The following PHACTR3 variants were observed in gnomAD, a reference collection of about 807,000 sequenced individuals.
The protein encoded by PHACTR3 is protein phosphatase 1, regulatory subunit 123.
Under a neutral mutation model 66.8 loss-of-function variants are expected in PHACTR3, and 16 were observed. The observed-to-expected ratio is 0.24, with a 90% confidence interval of 0.16 to 0.36. The LOEUF is 0.36. Ranked by LOEUF, PHACTR3 falls within the 10% of genes least tolerant of loss-of-function variation. PHACTR3 has a pLI of 1.00. For synonymous variants in PHACTR3, 323 were observed against 292.1 expected (o/e 1.11, Z -1.08); for missense variants, 647 against 719.9 (o/e 0.90, Z 1.16).
rs561884940 is a variant in PHACTR3, at chr20:59,637,321, C to T, written c.118+32189C>T. Among the ~76,000 whole-genome samples the T allele has an allele frequency of 7.2e-5, 11 of 152,314 alleles. No individual in the cohort carries two copies. The South Asian group carries it at 2.1e-3, about 29-fold the overall frequency. On this transcript the variant is annotated intron_variant, in intron 1 of 12. Transcript: ENST00000371015. ...CTGGCAGATGCCTTTTCCCTGTTGCCCTGTGGTCTGGCCTTTCTGCTGTAG... is the reference window on the plus strand; with the variant it reads ...CTGGCAGATGCCTTTTCCCTGTTGCTCTGTGGTCTGGCCTTTCTGCTGTAG...
Position 59,747,773 on chromosome 20 carries a change from T to TGGCC in PHACTR3, c.300_303dup (p.Gly104AlafsTer20), listed in dbSNP as rs778050757. 6.2e-7 allele frequency: 1 copy of TGGCC among 1,613,962 alleles called. No individual in the cohort carries two copies. The highest frequency in any genetic ancestry group is 1.7e-5 in the Admixed American group (1 of 60,018). On this transcript the variant is annotated frameshift_variant, in exon 3 of 13. Coordinates refer to ENST00000371015, the MANE Select transcript of PHACTR3 (RefSeq NM_080672.5). LOFTEE classifies it high-confidence loss of function. The stretch of plus-strand genomic sequence containing the variant: ...TGTTGGGCAGCGCTGGAGAAGAAGA[T>TGGCC]GGCCGGCAGGCAAGGCCGAGAGGAG...
At chr20:59,623,421 A>G (rs2034331670) in intron 1 of PHACTR3, among the ~76,000 whole-genome samples, 1 of 152,212 alleles carries the variant, frequency 6.6e-6, no homozygotes, top group African/African-American at 2.4e-5. Flanking sequence ...TGTATTCAAC[A>G]AACATCGACT....
At chr20:59,809,246 G>A (rs1186568426) in intron 8 of PHACTR3, among the ~76,000 whole-genome samples, 1 of 152,108 alleles carries the variant, frequency 6.6e-6, no homozygotes, top group Non-Finnish European at 1.5e-5. Flanking sequence ...TAGAGCACGA[G>A]GTCCTACCCT....
In PHACTR3 at chr20:59,738,571, T is replaced by C. The variant is rs59143361; in HGVS notation, c.119-4536T>C. Among the ~76,000 whole-genome samples, 1,004 of 152,250 alleles carry C rather than the reference T, an allele frequency of 6.6e-3. 15 individuals are homozygous for C. The highest frequency in any genetic ancestry group is 0.023 in the African/African-American group (951 of 41,564). ...CTGATCTGTAGTTTATTCTGTGTGC[T>C]ACTCCGTTTTGCCTTGGCTGCTAGG... On this transcript the variant is annotated intron_variant, in intron 1 of 12. Coordinates refer to ENST00000371015, the MANE Select transcript of PHACTR3 (RefSeq NM_080672.5). This position sits in a 1 kb window ranked among gnomAD's most constrained non-coding sequence, Gnocchi z 4.4.
chr20:59,580,107 A>C (rs1436646105), intron 1 of PHACTR3, among the ~76,000 whole-genome samples: 1 of 152,046 alleles, frequency 6.6e-6, no homozygotes, highest in African/African-American at 2.4e-5. Context: ...TGGGGCTGGC[A>C]CTTAAAGGAG....
rs376160172 is a variant in PHACTR3, at chr20:59,777,432, C to T, written c.1174+2942C>T. Among the ~76,000 whole-genome samples, 4 of 152,252 alleles carry T rather than the reference C, an allele frequency of 2.6e-5. No homozygotes were observed. The East Asian group carries it at 7.8e-4, about 30-fold the overall frequency. On this transcript the variant is annotated intron_variant, in intron 7 of 12. Transcript: ENST00000371015. Reference sequence around the variant, plus strand: ...TAAAGCTAGGCTCTGGGATTTGACCCACAAAGTCCCCTCCATCCCTGAGAT... The same window carrying T: ...TAAAGCTAGGCTCTGGGATTTGACCTACAAAGTCCCCTCCATCCCTGAGAT...
intron 1 of PHACTR3, among the ~76,000 whole-genome samples, chr20:59,615,006 T>C (rs1188400791): frequency 3.3e-5 from 5 of 152,160 alleles, no homozygotes; most frequent in Non-Finnish European, 7.4e-5. Flanking sequence ...AGGACTGTCT[T>C]GTCACCTGTT....
intron 9 of PHACTR3, among the ~76,000 whole-genome samples, chr20:59,839,709 A>G (rs192335410): frequency 9.1e-4 from 138 of 152,308 alleles, no homozygotes; most frequent in Middle Eastern, 3.4e-3. Context: ...CAACTTACCA[A>G]GCAAAGCTAA....
At chr20:59,723,060 C>CTCTTCCTTTCTT (rs1466366874) in intron 1 of PHACTR3, among the ~76,000 whole-genome samples, 2 of 118,664 alleles carry the variant, frequency 1.7e-5, no homozygotes, top group Non-Finnish European at 3.5e-5. Flanking sequence ...TTCTTTCTTT[C>CTCTTCCTTTCTT]TCTTTCTTTC....
chr20:59,806,301 C>G, intron 8 of PHACTR3, 107 bp downstream of exon 8: 2 of 1,406,486 alleles, frequency 1.4e-6, no homozygotes, highest in East Asian at 4.7e-5. Flanking sequence ...GCACAACCCA[C>G]CGTCTGCAGC....
At position 59,847,127 on chromosome 20, in the gene PHACTR3, A is replaced by G. The variant is rs1335697153; in HGVS notation, c.1677A>G (p.Pro559=). 3.9e-6 allele frequency: 6 copies of G among 1,520,030 alleles called. No homozygotes were observed. Among genetic ancestry groups the G allele is most frequent in the Non-Finnish European group, 4.5e-6 (5 of 1,100,492 alleles). 94.2% of individuals were successfully genotyped at this position (1,520,030 alleles called of 1,614,324 possible). The change falls in exon 13 of 13, where the codon CCA becomes CCG. Residue 559 remains proline (P), a synonymous_variant. Coordinates refer to ENST00000371015, the MANE Select transcript of PHACTR3 (RefSeq NM_080672.5). ...SSKHLTRFHR[P] ...TTATAATCTCTAGATTCCACAGGCC[A>G]TAGAGATTTTCTTCTGAGAAGAATT...
chr20:59,683,370 C>G (rs543649984), intron 1 of PHACTR3, among the ~76,000 whole-genome samples: 5 of 152,238 alleles, frequency 3.3e-5, no homozygotes, highest in South Asian at 2.1e-4. Flanking sequence ...GCTGTGCATT[C>G]GGGAGGCCGC....
intron 1 of PHACTR3, among the ~76,000 whole-genome samples, chr20:59,718,153 G>C (rs1346541148): frequency 6.6e-6 from 1 of 152,190 alleles, no homozygotes; most frequent in Non-Finnish European, 1.5e-5. Flanking sequence ...GGCTCCCCCA[G>C]GCCTGAGTCC....
chr20:59,611,938 G>A (rs1159177683), intron 1 of PHACTR3, among the ~76,000 whole-genome samples: 1 of 152,208 alleles, frequency 6.6e-6, no homozygotes, highest in Admixed American at 6.5e-5. Context: ...TATCTTCAGG[G>A]AAGGTGCTTT....
upstream of PHACTR3, among the ~76,000 whole-genome samples, chr20:59,602,536 G>GT (rs1328980267): frequency 6.6e-6 from 1 of 152,042 alleles, no homozygotes; most frequent in East Asian, 1.9e-4. Context: ...GGAAGGATAG[G>GT]TTTTAAATAG....
At chr20:59,645,292 G>A (rs1600996655) in intron 1 of PHACTR3, among the ~76,000 whole-genome samples, 2 of 150,272 alleles carry the variant, frequency 1.3e-5, no homozygotes, top group Admixed American at 1.3e-4. Flanking sequence ...AGGCAGGGCT[G>A]GGTTAACCTC....
intron 1 of PHACTR3, among the ~76,000 whole-genome samples, chr20:59,654,472 T>A (rs748587294): frequency 2.9e-4 from 44 of 152,138 alleles, no homozygotes; most frequent in Admixed American, 5.9e-4. Context: ...CAGGCTGATA[T>A]AACCTGAATG....
At position 59,841,516 on chromosome 20, in the gene PHACTR3, G is replaced by A; in HGVS notation, c.1568G>A (p.Arg523Lys). 6.2e-7 allele frequency: 1 copy of A among 1,613,370 alleles called. No homozygotes were observed. The highest frequency in any genetic ancestry group is 8.5e-7 in the Non-Finnish European group (1 of 1,179,596). The part of the protein sequence containing the change: ...YDRRADKPWT[R>K]LSAADKAAIR... The stretch of plus-strand genomic sequence containing the variant: ...AGGAGGGCAGACAAACCCTGGACGA[G>A]ACTGTCAGCAGCAGATAAGGTACCT... The change falls in exon 11 of 13, where the codon AGA becomes AAA. Residue 523 changes from arginine to lysine, a missense_variant. Transcript: ENST00000371015.
At chr20:59,796,021 T>G (rs1001903041) in intron 7 of PHACTR3, among the ~76,000 whole-genome samples, 2 of 152,110 alleles carry the variant, frequency 1.3e-5, no homozygotes, top group African/African-American at 4.8e-5. Flanking sequence ...TTCTGGTTAT[T>G]TTATAGATCT....
Sources: gnomAD v4.1 joint callset for allele counts (sites outside exome capture counted in the v4.1 genomes callset) on GRCh38, gnomAD v4.1.1 for gene constraint, Gnocchi (gnomAD v3.1) non-coding constraint, MANE v1.5 for transcripts, NCBI Gene and HGNC (gene_info 2026-07-23, HGNC 2026-07-21) for gene names.